KIF26B: variants seen among roughly 807,000 people sequenced by gnomAD.
KIF26B encodes kinesin-like protein KIF26B.
KIF26B carries 63 observed loss-of-function variants against 151.2 expected under a neutral mutation model. The observed-to-expected ratio is 0.42, with a 90% CI of 0.34 to 0.51. The LOEUF (loss-of-function observed/expected upper bound fraction) is 0.51, where lower values mean the gene tolerates loss of function less well. KIF26B is among the 20% of genes least tolerant of loss of function. The pLI, the probability that KIF26B is intolerant of heterozygous loss-of-function variation, is 0.07. For missense variants in KIF26B, 2,813 were observed against 2,913.6 expected (o/e 0.97, Z 0.79); for synonymous variants, 1,357 against 1,262.1 (o/e 1.08, Z -1.59).
chr1:245,585,481 AC>A (rs1464837554), intron 5 of KIF26B, among the ~76,000 whole-genome samples: 1 of 152,014 alleles, frequency 6.6e-6, no homozygotes. Flanking sequence ...GCTAATTAAT[AC>A]GTGATCCTGA....
chr1:245,166,622 T>A lies in KIF26B; in HGVS notation c.465+9939T>A, dbSNP rs544999107. The stretch of plus-strand genomic sequence containing the variant: ...GCTCCGGGGAATGAGGGAGAGCAGA[T>A]TTCCTCCAGTGACTGCGCATGCGAT... On this transcript the variant is annotated intron_variant, in intron 2 of 14. Transcript: ENST00000407071. The surrounding 1 kb of genome is among the most constrained non-coding windows in gnomAD (Gnocchi z 4.5). Among the ~76,000 whole-genome samples, 3 of 152,266 alleles carry A rather than the reference T, an allele frequency of 2.0e-5. No individual in the cohort carries two copies. The highest frequency in any genetic ancestry group is 7.2e-5 in the African/African-American group (3 of 41,542).
At chr1:245,228,183 A>G (rs1015662555) in intron 2 of KIF26B, among the ~76,000 whole-genome samples, 2 of 152,064 alleles carry the variant, frequency 1.3e-5, no homozygotes, top group South Asian at 2.1e-4. Flanking sequence ...TGCTCTCCCT[A>G]TTGTTCCAGC....
intron 2 of KIF26B, among the ~76,000 whole-genome samples, chr1:245,221,694 C>G (rs964654675): frequency 2.0e-5 from 3 of 152,178 alleles, no homozygotes; most frequent in Admixed American, 2.0e-4. Context: ...GGTGTGGGCA[C>G]ACCGTGCCTG....
At chr1:245,578,221 G>A (rs1260531470) in intron 5 of KIF26B, among the ~76,000 whole-genome samples, 7 of 152,214 alleles carry the variant, frequency 4.6e-5, no homozygotes, top group Admixed American at 2.0e-4. Context: ...CAGAAGAGGC[G>A]GAGGAATGTC....
rs1362034995 is a variant in KIF26B, at chr1:245,609,414, G to A, written c.1800G>A (p.Val600=). 9 of 1,609,316 alleles carry A rather than the reference G, an allele frequency of 5.6e-6. No individual in the cohort carries two copies. The highest frequency in any genetic ancestry group is 6.8e-6 in the Non-Finnish European group (8 of 1,177,964). Residue 600 remains valine (V), a synonymous_variant, in exon 8 of 15, where the codon GTG becomes GTA. Transcript: ENST00000407071. ...CAGTCCGGGTTTCCGCCGTGGAAGT[G>A]TGGGGGAAGGAGGAGAACCTGCGGG... ...RFSVRVSAVE[V]WGKEENLRDL...
chr1:245,250,069 A>G (rs1247648972), intron 2 of KIF26B, among the ~76,000 whole-genome samples: 1 of 152,216 alleles, frequency 6.6e-6, no homozygotes, highest in Non-Finnish European at 1.5e-5. Context: ...TGTAGCTTTC[A>G]TGCATATTTA....
intron 2 of KIF26B, among the ~76,000 whole-genome samples, chr1:245,246,425 C>T (rs1323431073): frequency 3.3e-5 from 5 of 152,222 alleles, no homozygotes; most frequent in Non-Finnish European, 7.3e-5. Context: ...CCACACCACT[C>T]ACCACCTGTT....
At position 245,335,657 on chromosome 1, in the gene KIF26B, G is replaced by GGGGTCCCACGCGGGGAAAGAA. The variant is rs1461179170; in HGVS notation, c.466-31145_466-31125dup. 1.1e-4 allele frequency among the ~76,000 whole-genome samples: 14 copies of GGGGTCCCACGCGGGGAAAGAA among 124,952 alleles called. No individual in the cohort carries two copies. In the East Asian group the frequency reaches 2.0e-3, roughly 18 times the overall value. The allele number at this position is 124,952 out of a possible 152,430, so 82.0% of individuals were successfully genotyped here. Reference sequence around the variant, plus strand: ...AAGGAGAGTCCCACGAGGGGAAAGGGGGGTCCCACGCGGGGAAAGAAGGGT... The same window carrying GGGGTCCCACGCGGGGAAAGAA: ...AAGGAGAGTCCCACGAGGGGAAAGGGGGGTCCCACGCGGGGAAAGAAGGGTCCCACGCGGGGAAAGAAGGGT... On this transcript the variant is annotated intron_variant, in intron 2 of 14. Transcript: ENST00000407071.
At chr1:245,156,121 GAGAC>G (rs899897843) in intron 1 of KIF26B, among the ~76,000 whole-genome samples, 157 bp from the exon 2 acceptor site, 10 of 152,172 alleles carry the variant, frequency 6.6e-5, no homozygotes, top group African/African-American at 2.4e-4. Context: ...GACAATTAAC[GAGAC>G]AGACGGAGGG....
At position 245,702,870 on chromosome 1, in the gene KIF26B, G is replaced by A. The variant is rs951667274; in HGVS notation, c.*264G>A. 23 of 402,328 alleles carry A rather than the reference G, an allele frequency of 5.7e-5. No individual in the cohort carries two copies. Among genetic ancestry groups the A allele is most frequent in the Non-Finnish European group, 1.0e-4 (23 of 226,152 alleles). 24.9% of individuals were successfully genotyped at this position (402,328 alleles called of 1,614,324 possible). A position where few individuals can be genotyped will look rare whatever the true frequency, so the allele number is the denominator to read the frequency against. On this transcript the variant is annotated 3_prime_UTR_variant, in exon 15 of 15. Coordinates refer to ENST00000407071, the MANE Select transcript of KIF26B (RefSeq NM_018012.4). This position sits in a 1 kb window ranked among gnomAD's most constrained non-coding sequence, Gnocchi z 4.1. ...TGTGAGACTGAAAAAGCACTTTGAG[G>A]AACCTTAAAGACCTTGTTTGTACAT...
intron 4 of KIF26B, among the ~76,000 whole-genome samples, chr1:245,517,967 G>A (rs1175209680): frequency 1.3e-5 from 2 of 151,460 alleles, no homozygotes; most frequent in Admixed American, 1.3e-4. Flanking sequence ...CCACCTCCTG[G>A]GTTCAAGCAA....
intron 2 of KIF26B, among the ~76,000 whole-genome samples, chr1:245,324,784 C>T (rs552901839): frequency 6.6e-6 from 1 of 152,122 alleles, no homozygotes; most frequent in South Asian, 2.1e-4. Flanking sequence ...CAGGACAACC[C>T]AAGATGCCAT....
intron 9 of KIF26B, 142 bp from the exon 10 acceptor site, chr1:245,645,979 G>C: frequency 1.2e-6 from 1 of 815,444 alleles, no homozygotes; most frequent in Non-Finnish European, 1.9e-6. Flanking sequence ...TGATTTTTCT[G>C]GGGTTTCCTA....
At chr1:245,272,168 T>C (rs56065153) in intron 2 of KIF26B, among the ~76,000 whole-genome samples, 22,671 of 152,232 alleles carry the variant, frequency 0.15, 1,858 homozygotes, top group African/African-American at 0.2. Context: ...TTATTAATAC[T>C]TTTTATTCTG....
At chr1:245,383,931 C>T (rs995498478) in intron 3 of KIF26B, among the ~76,000 whole-genome samples, 4 of 152,124 alleles carry the variant, frequency 2.6e-5, no homozygotes, top group Non-Finnish European at 4.4e-5. Context: ...ACTTGCGGAA[C>T]GTGTATCAGC....
At chr1:245,694,421 G>T (rs966107611) in intron 12 of KIF26B, among the ~76,000 whole-genome samples, 1 of 152,200 alleles carries the variant, frequency 6.6e-6, no homozygotes, top group Non-Finnish European at 1.5e-5. Context: ...CATGCTGGAG[G>T]GCTCTCAGGA....
rs116407514 is a variant in KIF26B, at chr1:245,667,826, G to A, written c.2259-16407G>A. On this transcript the variant is annotated intron_variant, in intron 10 of 14. Transcript: ENST00000407071. The surrounding 1 kb of genome is among the most constrained non-coding windows in gnomAD (Gnocchi z 4.3). ...ACAGACAAACAAAAGGGACCAAAGA[G>A]GTGGCATGAGTAGCATGAGTCAGAT... Among the ~76,000 whole-genome samples, 3,960 of 152,264 alleles carry A rather than the reference G, an allele frequency of 0.026. 182 individuals carry two copies. Among genetic ancestry groups the A allele is most frequent in the African/African-American group, 0.09 (3,751 of 41,550 alleles).
chr1:245,631,321 G>C (rs2103172031), intron 9 of KIF26B, among the ~76,000 whole-genome samples: 1 of 152,248 alleles, frequency 6.6e-6, no homozygotes. Flanking sequence ...AACTTATTGA[G>C]AGTTTTTATC....
At position 245,704,441 on chromosome 1, in the gene KIF26B, G is replaced by A. The variant is rs7535506; in HGVS notation, c.*1835G>A. 58,727 of 152,100 alleles carry A rather than the reference G, an allele frequency of 0.39. 13,013 individuals carry two copies. Among genetic ancestry groups the A allele is most frequent in the African/African-American group, 0.6 (24,773 of 41,470 alleles). 9.4% of individuals were successfully genotyped at this position (152,100 alleles called of 1,614,324 possible). ...TTTGTTATCAGAACAGGGTTCAGGT[G>A]GCCCTGTTGGCTCATGTGCTTTGGA... On this transcript the variant is annotated 3_prime_UTR_variant, in exon 15 of 15. Coordinates refer to ENST00000407071, the MANE Select transcript of KIF26B (RefSeq NM_018012.4).
Sources: gnomAD v4.1 joint callset for allele counts (sites outside exome capture counted in the v4.1 genomes callset) on GRCh38, gnomAD v4.1.1 for gene constraint, Gnocchi (gnomAD v3.1) non-coding constraint, MANE v1.5 for transcripts, NCBI Gene and HGNC (gene_info 2026-07-23, HGNC 2026-07-21) for gene names.